The following PRKG1 variants were observed in gnomAD, a reference collection of about 807,000 sequenced individuals.
PRKG1 encodes cGMP-dependent protein kinase 1.
A neutral mutation model predicts 88.1 loss-of-function variants in PRKG1; 35 were observed. The observed-to-expected ratio is 0.40, with a 90% confidence interval of 0.30 to 0.53. The LOEUF (loss-of-function observed/expected upper bound fraction) is 0.53. Ranked by LOEUF, PRKG1 falls within the 20% of genes least tolerant of loss-of-function variation. PRKG1 has a pLI of 0.59. For missense variants in PRKG1, 540 were observed against 839.8 expected (o/e 0.64, Z 4.41); for synonymous variants, 303 against 292.5 (o/e 1.04, Z -0.37).
At chr10:51,457,154 T>G (rs1839607389) in intron 2 of PRKG1, among the ~76,000 whole-genome samples, 1 of 152,134 alleles carries the variant, frequency 6.6e-6, no homozygotes, top group South Asian at 2.1e-4. Flanking sequence ...CAATGTGCAT[T>G]TACAAAAATA....
chr10:51,423,408 C>T (rs1179885577), intron 2 of PRKG1, among the ~76,000 whole-genome samples: 2 of 152,148 alleles, frequency 1.3e-5, no homozygotes, highest in Non-Finnish European at 2.9e-5. Flanking sequence ...ATCTCTTTGT[C>T]TTCCTTGTTC....
At chr10:51,270,481 C>T (rs1360071022) in intron 2 of PRKG1, among the ~76,000 whole-genome samples, 3 of 151,964 alleles carry the variant, frequency 2.0e-5, no homozygotes, top group Admixed American at 2.0e-4. Context: ...TATAAAATTT[C>T]CAAGCCATTC....
rs533381076 is a variant in PRKG1, at chr10:51,097,527, T to G, written c.311+22626T>G. 8.5e-5 allele frequency among the ~76,000 whole-genome samples: 13 copies of G among 152,248 alleles called. No homozygotes were observed. The East Asian group carries it at 2.1e-3, about 25-fold the overall frequency. On this transcript the variant is annotated intron_variant, in intron 1 of 17. Transcript: ENST00000373980. ...GTGTCAGTCACCACACTCTGCCTTT[T>G]TTTTGCATCTTAGTGCTGGTATTAG... is the stretch of plus-strand genomic sequence containing the variant.
chr10:51,881,888 T>A (rs1841447694), intron 4 of PRKG1, among the ~76,000 whole-genome samples: 1 of 152,162 alleles, frequency 6.6e-6, no homozygotes, highest in Non-Finnish European at 1.5e-5. Context: ...ATCACAGAAC[T>A]CTTAAGTGGC....
intron 2 of PRKG1, among the ~76,000 whole-genome samples, chr10:51,328,273 G>A (rs1209320896): frequency 6.6e-6 from 1 of 152,092 alleles, no homozygotes; most frequent in African/African-American, 2.4e-5. Context: ...GTGATGTCTT[G>A]TAGGTTCATC....
intron 3 of PRKG1, among the ~76,000 whole-genome samples, chr10:51,487,840 T>C (rs969967226): frequency 9.2e-5 from 14 of 152,248 alleles, no homozygotes; most frequent in East Asian, 3.9e-4. Context: ...TTATCCTGAA[T>C]ATATACTCAA....
At chr10:52,182,564 G>A (rs12146346) in intron 9 of PRKG1, among the ~76,000 whole-genome samples, 1 of 103,758 alleles carries the variant, frequency 9.6e-6, no homozygotes, top group African/African-American at 4.3e-5. Context: ...TTTTATGGTT[G>A]TAGGTCTAAC....
chr10:51,733,715 C>T (rs922934710), intron 3 of PRKG1, among the ~76,000 whole-genome samples: 1 of 152,132 alleles, frequency 6.6e-6, no homozygotes, highest in African/African-American at 2.4e-5. Context: ...CTGAGCTCGG[C>T]CATAAGTGGA....
chr10:52,232,056 A>C (rs9416051), intron 9 of PRKG1, among the ~76,000 whole-genome samples: 38,734 of 152,056 alleles, frequency 0.25, 5,347 homozygotes, highest in Non-Finnish European at 0.3. Context: ...TTGTTTCTAC[A>C]CTTTGGGAGG....
At chr10:51,468,373 T>C (rs1839961956) in intron 3 of PRKG1, among the ~76,000 whole-genome samples, 1 of 151,914 alleles carries the variant, frequency 6.6e-6, no homozygotes, top group Non-Finnish European at 1.5e-5. Context: ...TTATAGCATT[T>C]ATCTTTTCTA....
rs555895188 is a variant in PRKG1 at position 52,068,128 on chromosome 10, G to A, written c.935+5497G>A. Among the ~76,000 whole-genome samples the A allele has an allele frequency of 2.0e-3, 217 of 108,246 alleles. 9 individuals carry two copies. Among genetic ancestry groups the A allele is most frequent in the African/African-American group, 5.2e-3 (193 of 37,354 alleles). The allele number at this position is 108,246 out of a possible 152,430, so 71.0% of individuals were successfully genotyped here. A position where few individuals can be genotyped will look rare whatever the true frequency, so the allele number is the denominator to read the frequency against. On this transcript the variant is annotated intron_variant, in intron 7 of 17. Coordinates refer to ENST00000373980, the MANE Select transcript of PRKG1 (RefSeq NM_006258.4). ...TGAGGCAGGAGAATGGCGTGAACCC[G>A]GGAGGCGGAGCTTGCAGTGAGTCGA...
intron 1 of PRKG1, among the ~76,000 whole-genome samples, chr10:51,085,981 G>C (rs555943218): frequency 6.6e-6 from 1 of 152,162 alleles, no homozygotes; most frequent in East Asian, 1.9e-4. Context: ...CTTCATCAAA[G>C]GAAAATATGA....
At chr10:51,847,602 GA>G (rs1331812579) in intron 4 of PRKG1, among the ~76,000 whole-genome samples, 1 of 149,856 alleles carries the variant, frequency 6.7e-6, no homozygotes, top group African/African-American at 2.4e-5. Context: ...ATTTAACAAT[GA>G]TTTTTTTTTT....
intron 4 of PRKG1, among the ~76,000 whole-genome samples, chr10:51,812,916 C>T (rs2186147): frequency 0.16 from 24,303 of 151,962 alleles, 2,860 homozygotes; most frequent in African/African-American, 0.33. Context: ...GTCAACTGGT[C>T]GTTGTCAACT....
At chr10:51,217,029 TCTC>T (rs1838389694) in intron 2 of PRKG1, among the ~76,000 whole-genome samples, 1 of 152,088 alleles carries the variant, frequency 6.6e-6, no homozygotes, top group South Asian at 2.1e-4. Context: ...AAGAAAATGA[TCTC>T]CTGTGCAGAT....
chr10:51,628,120 T>C (rs1396517825), intron 3 of PRKG1, among the ~76,000 whole-genome samples: 116 of 106,964 alleles, frequency 1.1e-3, no homozygotes, highest in Non-Finnish European at 2.0e-3. Flanking sequence ...CCTTCTTTAT[T>C]TCTCTTTCTT....
chr10:51,051,230 T>C (rs1284980772), intron 1 of PRKG1, among the ~76,000 whole-genome samples: 1 of 152,174 alleles, frequency 6.6e-6, no homozygotes, highest in Non-Finnish European at 1.5e-5. Flanking sequence ...CAAGAAATCA[T>C]TGCCAAGGCC....
chr10:51,519,760 A>G (rs1156671341), intron 3 of PRKG1, among the ~76,000 whole-genome samples: 8 of 152,168 alleles, frequency 5.3e-5, no homozygotes, highest in Non-Finnish European at 1.0e-4. Flanking sequence ...CAGCTATTCA[A>G]AAATAACTCA....
intron 10 of PRKG1, among the ~76,000 whole-genome samples, chr10:52,261,135 G>GA (rs1008848406): frequency 3.6e-4 from 53 of 146,508 alleles, no homozygotes; most frequent in East Asian, 8.0e-4. Context: ...CTAAAAAATA[G>GA]AAAAAAAAAA....
Sources: gnomAD v4.1 joint callset for allele counts (sites outside exome capture counted in the v4.1 genomes callset) on GRCh38, gnomAD v4.1.1 for gene constraint, MANE v1.5 for transcripts, NCBI Gene and HGNC (gene_info 2026-07-23, HGNC 2026-07-21) for gene names.